The following PRAG1 variants were observed in gnomAD, a reference collection of about 807,000 sequenced individuals.
The protein encoded by PRAG1 is inactive tyrosine-protein kinase PRAG1.
PRAG1 carries 110 observed loss-of-function variants against 95.6 expected under a neutral mutation model. The ratio of observed to expected loss-of-function variants is 1.15; its 90% CI spans 0.99 to 1.35. The LOEUF is 1.35. Among genes scored for constraint, PRAG1 ranks in the 40% most tolerant of loss-of-function variants. The pLI, the probability that PRAG1 is intolerant of heterozygous loss-of-function variation, is 0.00. For missense variants in PRAG1, 2,554 were observed against 1,864.7 expected, an observed-to-expected ratio of 1.37 and a Z score of -6.81; for synonymous variants, 1,052 against 819.4, an observed-to-expected ratio of 1.28 and a Z score of -4.85.
chr8:8,334,028 G>A (rs1798906382), intron 4 of PRAG1, among the ~76,000 whole-genome samples: 1 of 152,220 alleles, frequency 6.6e-6, no homozygotes, highest in Non-Finnish European at 1.5e-5. Flanking sequence ...ATGAAGGGTG[G>A]GGCAGAGGGA....
chr8:8,355,181 A>C (rs150930879), intron 3 of PRAG1, among the ~76,000 whole-genome samples: 325 of 152,318 alleles, frequency 2.1e-3, no homozygotes, highest in African/African-American at 7.3e-3. Flanking sequence ...CAATGGCATA[A>C]AAAATTAGGA....
intron 3 of PRAG1, among the ~76,000 whole-genome samples, chr8:8,349,268 A>G (rs908283071): frequency 4.2e-5 from 6 of 144,566 alleles, no homozygotes; most frequent in African/African-American, 1.4e-4. Context: ...CTATCTATCT[A>G]TTTATTTATT....
intron 4 of PRAG1, among the ~76,000 whole-genome samples, chr8:8,333,864 C>T (rs1455253623): frequency 2.6e-5 from 4 of 152,244 alleles, no homozygotes; most frequent in Non-Finnish European, 4.4e-5. Context: ...AAACCTCACC[C>T]ATACCCTGTG....
intron 3 of PRAG1, among the ~76,000 whole-genome samples, chr8:8,372,660 C>G (rs1041553408): frequency 2.6e-5 from 4 of 152,188 alleles, no homozygotes; most frequent in Non-Finnish European, 2.9e-5. Context: ...GCAGGGCACT[C>G]CAGCAAGAGG....
intron 3 of PRAG1, among the ~76,000 whole-genome samples, chr8:8,362,921 A>T (rs1171010528): frequency 2.0e-5 from 3 of 152,190 alleles, no homozygotes; most frequent in Non-Finnish European, 4.4e-5. Context: ...GCTTATGTAA[A>T]GGCTTATAGA....
At chr8:8,354,666 GA>G (rs1457930436) in intron 3 of PRAG1, among the ~76,000 whole-genome samples, 1 of 152,142 alleles carries the variant, frequency 6.6e-6, no homozygotes, top group Non-Finnish European at 1.5e-5. Context: ...TTAACAGAAT[GA>G]AAGATAGAAA....
intron 3 of PRAG1, among the ~76,000 whole-genome samples, chr8:8,351,985 G>T (rs1290690860): frequency 6.6e-6 from 1 of 152,104 alleles, no homozygotes; most frequent in East Asian, 1.9e-4. Context: ...GATCACCTGT[G>T]CCTGACCAGA....
At position 8,318,058 on chromosome 8, in the gene PRAG1, C is replaced by A; in HGVS notation, c.*96G>T. 1 of 1,176,046 alleles carries A rather than the reference C, an allele frequency of 8.5e-7. No homozygotes were observed. The highest frequency in any genetic ancestry group is 1.6e-5 in the South Asian group (1 of 63,674). The allele number at this position is 1,176,046 out of a possible 1,614,324, so 72.9% of individuals were successfully genotyped here. A position where few individuals can be genotyped will look rare whatever the true frequency, so the allele number is the denominator to read the frequency against. ...TTTTACATCCAGGTATCCCAGTCAT[C>A]TGTACCATTTCCCAGGGAGACATGG... On this transcript the variant is annotated 3_prime_UTR_variant, in exon 6 of 6. Transcript: ENST00000615670. This position sits in a 1 kb window ranked among gnomAD's most constrained non-coding sequence, Gnocchi z 4.2.
At position 8,376,606 on chromosome 8, in the gene PRAG1, G is replaced by A; in HGVS notation, c.1803C>T (p.Thr601=). 2 of 1,603,460 alleles carry A rather than the reference G, an allele frequency of 1.2e-6. No individual in the cohort carries two copies. The highest frequency in any genetic ancestry group is 1.7e-6 in the Non-Finnish European group (2 of 1,173,850). The change falls in exon 3 of 6, where the codon ACC becomes ACT. Residue 601 remains threonine, a synonymous_variant. Coordinates refer to ENST00000615670, the MANE Select transcript of PRAG1 (RefSeq NM_001080826.3). The stretch of plus-strand genomic sequence containing the variant: ...ATGGGTCACTGATAGCGACACCGTT[G>A]GTCCGGCAGGAAGGAGCGGGGTCAG... ...GPADPAPSCR[T]NGVAISDPSR... is the part of the protein sequence containing the mutation.
chr8:8,382,086 G>GGTCCCCTAAAATCCTGGGTGGGGA (rs1286902003), intron 1 of PRAG1, among the ~76,000 whole-genome samples: 160 of 152,142 alleles, frequency 1.1e-3, no homozygotes, highest in African/African-American at 3.7e-3. Context: ...AAGACATTTC[G>GGTCCCCTAAAATCCTGGGTGGGGA]GTCCCCTAAA....
intron 5 of PRAG1, among the ~76,000 whole-genome samples, chr8:8,319,591 G>T (rs994039939): frequency 6.6e-6 from 1 of 152,166 alleles, no homozygotes; most frequent in African/African-American, 2.4e-5. Flanking sequence ...ACACCATTAA[G>T]AAAGTGGAAA....
rs904894665 is a variant in PRAG1 at position 8,327,636 on chromosome 8, G to A, written c.3072+74C>T. On this transcript the variant is annotated intron_variant, in intron 5 of 5. Transcript: ENST00000615670. The stretch of plus-strand genomic sequence containing the variant: ...AATGCCCAGACAGGTGAAATGACTT[G>A]CTCAGGCCACAGTTCTGCCCAAGCC... The A allele has an allele frequency of 1.2e-5, 18 of 1,502,496 alleles. No homozygotes were observed. In the African/African-American group the frequency reaches 2.4e-4, roughly 20 times the overall value. 93.1% of individuals were successfully genotyped at this position (1,502,496 alleles called of 1,614,324 possible).
intron 2 of PRAG1, among the ~76,000 whole-genome samples, chr8:8,380,057 C>T (rs1389591400): frequency 6.6e-6 from 1 of 150,780 alleles, no homozygotes; most frequent in Non-Finnish European, 1.5e-5. Context: ...GAACTTAAGA[C>T]CAGCCTGGGC....
chr8:8,376,982 A>T lies in PRAG1; in HGVS notation c.1427T>A (p.Val476Asp), dbSNP rs759681492. Reference protein sequence around the residue: ...PTPQVSATITVMAAHPEEDHR... With the variant: ...PTPQVSATITDMAAHPEEDHR... ...GTCCTCTTCCGGGTGGGCCGCCATG[A>T]CTGTGATGGTGGCTGACACCTGGGG... Residue 476 changes from valine to aspartate, a missense_variant, in exon 3 of 6, where the codon GTC becomes GAC. Physicochemically the swap from Val to Asp is radical, Grantham distance 152. Transcript: ENST00000615670. The T allele has an allele frequency of 6.2e-7, 1 of 1,613,600 alleles. No homozygotes were observed. Among genetic ancestry groups the T allele is most frequent in the South Asian group, 1.1e-5 (1 of 91,068 alleles).
At chr8:8,357,587 G>C (rs1446591156) in intron 3 of PRAG1, among the ~76,000 whole-genome samples, 1 of 152,208 alleles carries the variant, frequency 6.6e-6, no homozygotes, top group African/African-American at 2.4e-5. Context: ...TGCACTGTCA[G>C]TGGGAATACA....
chr8:8,338,902 A>G (rs1305006855), intron 4 of PRAG1, among the ~76,000 whole-genome samples: 1 of 152,226 alleles, frequency 6.6e-6, no homozygotes, highest in Non-Finnish European at 1.5e-5. Flanking sequence ...GGCCACAACT[A>G]TGGAAAAACA....
At chr8:8,336,020 G>A (rs1344123378) in intron 4 of PRAG1, among the ~76,000 whole-genome samples, 3 of 152,204 alleles carry the variant, frequency 2.0e-5, no homozygotes, top group Non-Finnish European at 4.4e-5. Context: ...TTTAATTAGT[G>A]TTCTGTATCT....
chr8:8,359,405 G>C (rs749354647), intron 3 of PRAG1, among the ~76,000 whole-genome samples: 18 of 152,220 alleles, frequency 1.2e-4, no homozygotes, highest in Non-Finnish European at 2.2e-4. Flanking sequence ...TGCTATAGAA[G>C]TAAGAATTGA....
rs1200648790 is a variant in PRAG1, at chr8:8,376,656, G to A, written c.1753C>T (p.Pro585Ser). Residue 585 changes from proline to serine, a missense_variant, in exon 3 of 6, where the codon CCC becomes TCC. Physicochemically the swap from Pro to Ser is moderately conservative, Grantham distance 74 (BLOSUM62 -1). Coordinates refer to ENST00000615670, the MANE Select transcript of PRAG1 (RefSeq NM_001080826.3). ...DGSSGGSSIG[P>S]QPPSQGPADP... The stretch of plus-strand genomic sequence containing the variant: ...GCAGGACCTTGGGATGGAGGCTGGG[G>A]CCCAATGCTGCTGCCGCCAGAGCTC... 6.2e-7 allele frequency: 1 copy of A among 1,609,940 alleles called. No homozygotes were observed. The highest frequency in any genetic ancestry group is 1.1e-5 in the South Asian group (1 of 90,442).
Sources: gnomAD v4.1 joint callset for allele counts (sites outside exome capture counted in the v4.1 genomes callset) on GRCh38, gnomAD v4.1.1 for gene constraint, Gnocchi (gnomAD v3.1) non-coding constraint, MANE v1.5 for transcripts, NCBI Gene and HGNC (gene_info 2026-07-23, HGNC 2026-07-21) for gene names.